Variants in PPFIA2 observed in about 807,000 individuals in gnomAD.
The protein encoded by PPFIA2 is PPFI scaffold protein A2.
In PPFIA2, 46 loss-of-function variants were observed where a neutral mutation model predicts 175.5. The ratio of observed to expected loss-of-function variants is 0.26; its 90% CI spans 0.21 to 0.34. The LOEUF is 0.34. Among genes scored for constraint, PPFIA2 ranks in the 10% least tolerant of loss-of-function variants. The probability of loss-of-function intolerance (pLI) is 1.00; values close to 1 mark genes in which losing one functional copy is unlikely to be tolerated. For synonymous variants in PPFIA2, 568 were observed against 511.4 expected (o/e 1.11, Z -1.49); for missense variants, 1,179 against 1,506.1 (o/e 0.78, Z 3.60).
At chr12:81,617,477 A>G (rs2061526094) in intron 4 of PPFIA2, among the ~76,000 whole-genome samples, 1 of 152,160 alleles carries the variant, frequency 6.6e-6, no homozygotes, top group Admixed American at 6.5e-5. Context: ...GAGAATTTGA[A>G]TTGTGTTTCT....
intron 4 of PPFIA2, among the ~76,000 whole-genome samples, chr12:81,491,964 TA>T (rs974115710): frequency 6.6e-6 from 1 of 152,050 alleles, no homozygotes; most frequent in African/African-American, 2.4e-5. Flanking sequence ...TCAATGTTTC[TA>T]AATCCTATAT....
intron 4 of PPFIA2, among the ~76,000 whole-genome samples, chr12:81,598,709 C>G (rs746457882): frequency 6.6e-6 from 1 of 151,352 alleles, no homozygotes; most frequent in Non-Finnish European, 1.5e-5. Flanking sequence ...ACAGCTGGCC[C>G]GGATATTGAG....
chr12:81,365,330 G>GTC (rs2032821419), intron 14 of PPFIA2, among the ~76,000 whole-genome samples: 1 of 151,768 alleles, frequency 6.6e-6, no homozygotes, highest in African/African-American at 2.4e-5. Context: ...CCATCTAAAT[G>GTC]GGATGATAGT....
intron 6 of PPFIA2, among the ~76,000 whole-genome samples, chr12:81,442,209 T>C (rs2050302351): frequency 6.6e-6 from 1 of 152,108 alleles, no homozygotes; most frequent in Admixed American, 6.5e-5. Flanking sequence ...TGAGATTATG[T>C]TGTCCACGAA....
chr12:81,386,045 G>A (rs895240527), intron 8 of PPFIA2, among the ~76,000 whole-genome samples: 2 of 151,816 alleles, frequency 1.3e-5, no homozygotes, highest in Non-Finnish European at 2.9e-5. Flanking sequence ...GGAGGCTGAG[G>A]CAGGAGACTG....
chr12:81,579,553 A>T (rs781038816), intron 4 of PPFIA2, among the ~76,000 whole-genome samples: 1 of 151,832 alleles, frequency 6.6e-6, no homozygotes, highest in Non-Finnish European at 1.5e-5. Flanking sequence ...GGGCTGTTCC[A>T]CAATTTAATT....
chr12:81,712,537 A>C (rs1297739651), intron 3 of PPFIA2, among the ~76,000 whole-genome samples: 1 of 151,162 alleles, frequency 6.6e-6, no homozygotes, highest in Non-Finnish European at 1.5e-5. Flanking sequence ...GAGTTTAGTA[A>C]TAAGTATCAG....
chr12:81,266,772 G>T (rs1478886626), intron 30 of PPFIA2, among the ~76,000 whole-genome samples, 180 bp downstream of exon 30: 1 of 152,052 alleles, frequency 6.6e-6, no homozygotes, highest in Non-Finnish European at 1.5e-5. Context: ...AATTAATATA[G>T]CTCTTTCCAA....
intron 6 of PPFIA2, among the ~76,000 whole-genome samples, chr12:81,445,306 T>G (rs2051052095): frequency 6.6e-6 from 1 of 151,468 alleles, no homozygotes; most frequent in Admixed American, 6.6e-5. Context: ...AGGGTTATAA[T>G]GTACCATAAT....
At chr12:81,367,734 G>T (rs1243360937) in intron 13 of PPFIA2, among the ~76,000 whole-genome samples, 2 of 151,378 alleles carry the variant, frequency 1.3e-5, no homozygotes, top group African/African-American at 2.4e-5. Context: ...AAATAAGTTG[G>T]CATCATAGAT....
rs1050483349 is a variant in PPFIA2, at chr12:81,621,627, T to C, written c.303+55164A>G. On this transcript the variant is annotated intron_variant, in intron 4 of 32. Transcript: ENST00000549396. ...GCAGTGGTGAAGGTAATGTGAGGCA[T>C]ATCTGGACTCCAAAAATATTTTGAA... 8.5e-5 allele frequency among the ~76,000 whole-genome samples: 13 copies of C among 152,172 alleles called. No homozygotes were observed. The South Asian group carries it at 1.0e-3, about 12-fold the overall frequency.
At chr12:81,514,233 T>C (rs116163214) in intron 4 of PPFIA2, among the ~76,000 whole-genome samples, 2,938 of 152,062 alleles carry the variant, frequency 0.019, 60 homozygotes, top group East Asian at 0.044. Flanking sequence ...TCAGAAAATG[T>C]CCTCTCTCCT....
chr12:81,576,678 T>G (rs1395874207), intron 4 of PPFIA2, among the ~76,000 whole-genome samples: 1 of 151,902 alleles, frequency 6.6e-6, no homozygotes, highest in Admixed American at 6.6e-5. Flanking sequence ...GTCTTTAGAA[T>G]GCATACAAAT....
intron 26 of PPFIA2, 74 bp from the exon 27 acceptor site, chr12:81,281,524 T>C: frequency 2.1e-6 from 2 of 951,298 alleles, no homozygotes; most frequent in Non-Finnish European, 3.1e-6. Flanking sequence ...TTACCTATTA[T>C]TATAACTGAT....
intron 7 of PPFIA2, among the ~76,000 whole-genome samples, chr12:81,428,499 TATAAC>T (rs1198972152): frequency 6.6e-6 from 1 of 151,986 alleles, no homozygotes; most frequent in Non-Finnish European, 1.5e-5. Flanking sequence ...TTCTTTGTAT[TATAAC>T]AGTACAATCA....
At chr12:81,546,851 G>T (rs1594784784) in intron 4 of PPFIA2, among the ~76,000 whole-genome samples, 1 of 152,076 alleles carries the variant, frequency 6.6e-6, no homozygotes, top group East Asian at 1.9e-4. Flanking sequence ...GAAAGCAATG[G>T]ATTTATGGTA....
At chr12:81,719,785 GTTGT>G (rs1335381330) in intron 3 of PPFIA2, among the ~76,000 whole-genome samples, 3 of 151,280 alleles carry the variant, frequency 2.0e-5, no homozygotes, top group African/African-American at 7.3e-5. Flanking sequence ...TTCAAAATGT[GTTGT>G]TTAAGTTCAC....
chr12:81,632,630 G>C (rs766906574), intron 4 of PPFIA2, among the ~76,000 whole-genome samples: 6 of 151,966 alleles, frequency 3.9e-5, no homozygotes, highest in Non-Finnish European at 7.4e-5. Flanking sequence ...TTCTCTTGCT[G>C]TATCATTACC....
At chr12:81,694,017 C>T (rs1488965692) in intron 3 of PPFIA2, among the ~76,000 whole-genome samples, 1 of 151,420 alleles carries the variant, frequency 6.6e-6, no homozygotes, top group Non-Finnish European at 1.5e-5. Context: ...TTTTAATAGC[C>T]TATGTTCAGA....
Sources: gnomAD v4.1 joint callset for allele counts (sites outside exome capture counted in the v4.1 genomes callset) on GRCh38, gnomAD v4.1.1 for gene constraint, MANE v1.5 for transcripts, NCBI Gene and HGNC (gene_info 2026-07-23, HGNC 2026-07-21) for gene names.